CUX2: variants seen among roughly 807,000 people sequenced by gnomAD.
CUX2 encodes homeobox protein cut-like 2.
A neutral mutation model predicts 144.8 loss-of-function variants in CUX2; 40 were observed. The observed-to-expected ratio is 0.28, with a 90% confidence interval of 0.21 to 0.36. CUX2 has a LOEUF of 0.36. Ranked by LOEUF, CUX2 falls within the 10% of genes least tolerant of loss-of-function variation. The pLI is 1.00. For missense variants in CUX2, 1,615 were observed against 1,994.0 expected (o/e 0.81, Z 3.62); for synonymous variants, 827 against 875.6 (o/e 0.94, Z 0.98).
chr12:111,227,325 G>C (rs1189831545), intron 3 of CUX2, among the ~76,000 whole-genome samples: 1 of 152,178 alleles, frequency 6.6e-6, no homozygotes, highest in Non-Finnish European at 1.5e-5. Context: ...CTTAAGCCTA[G>C]AGTCGCCTGG....
At chr12:111,150,704 T>C (rs988301512) in intron 1 of CUX2, among the ~76,000 whole-genome samples, 1 of 146,570 alleles carries the variant, frequency 6.8e-6, no homozygotes, top group African/African-American at 2.6e-5. Flanking sequence ...TTCCTCTTTC[T>C]GTAGCTTCAG....
Position 111,310,169 on chromosome 12 carries a change from C to A in CUX2, c.1387C>A (p.Leu463Met). 6.4e-7 allele frequency: 1 copy of A among 1,555,140 alleles called. No homozygotes were observed. Among genetic ancestry groups the A allele is most frequent in the East Asian group, 2.3e-5 (1 of 43,744 alleles). ...DPLSPSPGQP[L>M]LGPSLGPDGT... The stretch of plus-strand genomic sequence containing the variant: ...CCTGTCTCCCAGCCCCGGGCAGCCC[C>A]TGCTGGGCCCCAGCTTGGGGCCTGA... Residue 463 changes from leucine (L) to methionine (M), a missense_variant, in exon 15 of 22, where the codon CTG becomes ATG. Physicochemically the swap from Leu to Met is conservative, Grantham distance 15. Transcript: ENST00000261726. The surrounding 1 kb of genome is among the most constrained non-coding windows in gnomAD (Gnocchi z 7.9).
At position 111,288,958 on chromosome 12, in the gene CUX2, T is replaced by A. The variant is rs1044732488; in HGVS notation, c.302-2460T>A. 6.1e-5 allele frequency among the ~76,000 whole-genome samples: 9 copies of A among 148,254 alleles called. No homozygotes were observed. The East Asian group carries it at 1.6e-3, about 26-fold the overall frequency. Reference sequence around the variant, plus strand: ...GGCCTGGGCAACAGCACAAAAAAAATAAATAAATACAAAAATTACCCAGGC... The same window carrying A: ...GGCCTGGGCAACAGCACAAAAAAAAAAAATAAATACAAAAATTACCCAGGC... On this transcript the variant is annotated intron_variant, in intron 4 of 21. Coordinates refer to ENST00000261726, the MANE Select transcript of CUX2 (RefSeq NM_015267.4).
intron 9 of CUX2, among the ~76,000 whole-genome samples, chr12:111,299,199 T>A (rs988482903): frequency 1.3e-5 from 2 of 152,216 alleles, no homozygotes. Flanking sequence ...TCTTCCTGCC[T>A]GTGGGGTGGG....
chr12:111,184,534 C>G (rs371212490), intron 1 of CUX2, among the ~76,000 whole-genome samples: 4 of 134,292 alleles, frequency 3.0e-5, no homozygotes, highest in Non-Finnish European at 4.6e-5. Flanking sequence ...GAAAATGGCA[C>G]ACTGTCAGCC....
chr12:111,054,864 C>T (rs1436881875), intron 1 of CUX2, among the ~76,000 whole-genome samples: 1 of 152,116 alleles, frequency 6.6e-6, no homozygotes, highest in African/African-American at 2.4e-5. Flanking sequence ...TGACCTCAGG[C>T]GATCCACCTC....
intron 1 of CUX2, among the ~76,000 whole-genome samples, chr12:111,047,922 A>G (rs1479329979): frequency 6.6e-6 from 1 of 152,226 alleles, no homozygotes; most frequent in Non-Finnish European, 1.5e-5. Flanking sequence ...CTGAACCATG[A>G]AGAGGAGCTG....
chr12:111,131,310 G>A (rs12299665), intron 1 of CUX2, among the ~76,000 whole-genome samples: 14,055 of 152,152 alleles, frequency 0.092, 2,149 homozygotes, highest in African/African-American at 0.32. Flanking sequence ...ACCAGCCCCT[G>A]TGATTCCATT....
chr12:111,342,099 TG>T, intron 21 of CUX2, 46 bp downstream of exon 21: 1 of 1,565,220 alleles, frequency 6.4e-7, no homozygotes, highest in African/African-American at 1.4e-5. Flanking sequence ...AGAATCCAGG[TG>T]GGACCCCTTC....
rs1394285095 is a variant in CUX2 at position 111,263,491 on chromosome 12, A to G, written c.223-270A>G. On this transcript the variant is annotated intron_variant, in intron 3 of 21. Coordinates refer to ENST00000261726, the MANE Select transcript of CUX2 (RefSeq NM_015267.4). This position sits in a 1 kb window ranked among gnomAD's most constrained non-coding sequence, Gnocchi z 4.0. ...CATGGTGGCAGGCACCTGTAGTGGT[A>G]GCAGGCACCTGTAATCCCAGCTACT... 6.6e-6 allele frequency among the ~76,000 whole-genome samples: 1 copy of G among 152,104 alleles called. No homozygotes were observed. Among genetic ancestry groups the G allele is most frequent in the Non-Finnish European group, 1.5e-5 (1 of 68,020 alleles).
At chr12:111,228,408 A>G (rs1882289229) in intron 3 of CUX2, among the ~76,000 whole-genome samples, 1 of 152,074 alleles carries the variant, frequency 6.6e-6, no homozygotes, top group African/African-American at 2.4e-5. Context: ...CATCCAGTGA[A>G]AACTATGGTG....
At chr12:111,056,547 G>A (rs1302996115) in intron 1 of CUX2, among the ~76,000 whole-genome samples, 1 of 152,234 alleles carries the variant, frequency 6.6e-6, no homozygotes, top group Non-Finnish European at 1.5e-5. Context: ...CATGGTGGCT[G>A]GGTTCCGAGA....
intron 1 of CUX2, among the ~76,000 whole-genome samples, chr12:111,166,869 C>T (rs895629699): frequency 2.0e-5 from 3 of 152,162 alleles, no homozygotes; most frequent in East Asian, 1.9e-4. Flanking sequence ...TTCTGATTGG[C>T]GAGGGGATGT....
At position 111,214,189 on chromosome 12, in the gene CUX2, T is replaced by TTTTTTTA; in HGVS notation, c.64-11_64-10insTTTTTTA. The TTTTTTTA allele has an allele frequency of 7.1e-7, 1 of 1,399,090 alleles. No individual in the cohort carries two copies. 86.7% of individuals were successfully genotyped at this position (1,399,090 alleles called of 1,614,324 possible). A position where few individuals can be genotyped will look rare whatever the true frequency, so the allele number is the denominator to read the frequency against. On this transcript the variant is annotated splice_polypyrimidine_tract_variant and intron_variant, in intron 1 of 21. Transcript: ENST00000261726. ...TCTCTCTCTCTTTTTTTTTTTTTTT[T>TTTTTTTA]ATTGTTCCAGAAGGAGCTTAATTCC...
At chr12:111,206,819 G>A (rs559813025) in intron 1 of CUX2, among the ~76,000 whole-genome samples, 1 of 152,316 alleles carries the variant, frequency 6.6e-6, no homozygotes, top group South Asian at 2.1e-4. Context: ...ATCAACTGTT[G>A]GATAAATAGA....
At chr12:111,343,216 T>C (rs953176426) in intron 21 of CUX2, among the ~76,000 whole-genome samples, 3 of 151,988 alleles carry the variant, frequency 2.0e-5, no homozygotes, top group Non-Finnish European at 4.4e-5. Flanking sequence ...CTCTTCAGGC[T>C]CCACCACCTC....
chr12:111,112,096 T>C (rs1184941197), intron 1 of CUX2, among the ~76,000 whole-genome samples: 1 of 152,152 alleles, frequency 6.6e-6, no homozygotes, highest in Non-Finnish European at 1.5e-5. Context: ...TGCTCAGGAC[T>C]TGGGTGAGGG....
intron 1 of CUX2, among the ~76,000 whole-genome samples, chr12:111,179,709 C>T (rs1440974065): frequency 6.6e-6 from 1 of 151,244 alleles, no homozygotes; most frequent in Non-Finnish European, 1.5e-5. Flanking sequence ...TTGAGTCTCA[C>T]TCTGTACCCC....
chr12:111,262,324 C>T (rs1369214206), intron 3 of CUX2, among the ~76,000 whole-genome samples: 3 of 151,770 alleles, frequency 2.0e-5, no homozygotes. Context: ...AGGTGAGAGA[C>T]CAGGGACTTT....
Sources: allele counts gnomAD v4.1 joint callset (sites outside exome capture counted in the v4.1 genomes callset), GRCh38; gene constraint gnomAD v4.1.1; non-coding constraint Gnocchi (gnomAD v3.1); transcripts MANE v1.5; gene names NCBI Gene and HGNC (gene_info 2026-07-23, HGNC 2026-07-21).